ST3GAL2: variants seen among roughly 807,000 people sequenced by gnomAD.
ST3GAL2 encodes CMP-N-acetylneuraminate-beta-galactosamide-alpha-2,3-sialyltransferase 2.
ST3GAL2 carries 16 observed loss-of-function variants against 37.5 expected under a neutral mutation model. That is an observed-to-expected ratio of 0.43 (90% CI 0.29 to 0.65). The LOEUF (loss-of-function observed/expected upper bound fraction) is 0.65, where lower values mean the gene tolerates loss of function less well. Among genes scored for constraint, ST3GAL2 ranks in the 30% least tolerant of loss-of-function variants. ST3GAL2 has a pLI of 0.17. For synonymous variants in ST3GAL2, 238 were observed against 202.9 expected, an observed-to-expected ratio of 1.17 and a Z score of -1.47; for missense variants, 383 against 487.8, an observed-to-expected ratio of 0.79 and a Z score of 2.02.
Position 70,381,672 on chromosome 16 carries a change from T to A in ST3GAL2, c.*17A>T, listed in dbSNP as rs1458507671. ...GTGCCCGATAGATGGGCCGGAAGGGTCGCGGCGAGGCCCGGCTCAGTTGCC... is the reference window on the plus strand; with the variant it reads ...GTGCCCGATAGATGGGCCGGAAGGGACGCGGCGAGGCCCGGCTCAGTTGCC... On this transcript the variant is annotated 3_prime_UTR_variant, in exon 7 of 7. Transcript: ENST00000342907. 1.2e-6 allele frequency: 2 copies of A among 1,610,066 alleles called. No homozygotes were observed. The highest frequency in any genetic ancestry group is 1.7e-5 in the Admixed American group (1 of 59,900).
intron 1 of ST3GAL2, among the ~76,000 whole-genome samples, chr16:70,431,790 C>T (rs1239230140): frequency 4.0e-5 from 6 of 151,782 alleles, no homozygotes; most frequent in Non-Finnish European, 7.4e-5. Flanking sequence ...AGTGAAACCC[C>T]GTCTCTACTA....
Position 70,383,283 on chromosome 16 carries a change from GCT to G in ST3GAL2, c.714-50_714-49del, listed in dbSNP as rs756071215. The G allele has an allele frequency of 1.9e-6, 3 of 1,562,538 alleles. No individual in the cohort carries two copies. The East Asian group carries it at 6.8e-5, about 36-fold the overall frequency. On this transcript the variant is annotated intron_variant, in intron 4 of 6. Transcript: ENST00000342907. ...ATAACATTTCAGGCTGGGCACGGTG[GCT>G]CACACCTGTAATCCCAGCACTTTGG...
chr16:70,427,861 A>C (rs923106535), intron 1 of ST3GAL2, among the ~76,000 whole-genome samples: 1 of 152,212 alleles, frequency 6.6e-6, no homozygotes, highest in African/African-American at 2.4e-5. Context: ...CACCTCCAGC[A>C]GTCCTAACCA....
intron 3 of ST3GAL2, among the ~76,000 whole-genome samples, 163 bp from the exon 4 acceptor site, chr16:70,388,709 T>C (rs1207508673): frequency 1.3e-5 from 2 of 151,952 alleles, no homozygotes; most frequent in Non-Finnish European, 2.9e-5. Context: ...GTTACAAAGG[T>C]GTGCAAAGAT....
intron 1 of ST3GAL2, among the ~76,000 whole-genome samples, chr16:70,411,522 A>G (rs377121668): frequency 5.4e-4 from 82 of 152,174 alleles, no homozygotes; most frequent in African/African-American, 1.9e-3. Context: ...ACCATGAGAG[A>G]CATCTTGCAC....
At chr16:70,411,571 G>A (rs140913158) in intron 1 of ST3GAL2, among the ~76,000 whole-genome samples, 2 of 152,226 alleles carry the variant, frequency 1.3e-5, no homozygotes, top group East Asian at 3.9e-4. Flanking sequence ...GGTCCTTCAT[G>A]TTCCTATGTG....
chr16:70,377,783 A>G lies in ST3GAL2; in HGVS notation c.*3906T>C, dbSNP rs1258887829. 5 of 152,270 alleles carry G rather than the reference A, an allele frequency of 3.3e-5. No homozygotes were observed. Among genetic ancestry groups the G allele is most frequent in the African/African-American group, 7.2e-5 (3 of 41,448 alleles). The allele number at this position is 152,270 out of a possible 1,614,324, so 9.4% of individuals were successfully genotyped here. A position where few individuals can be genotyped will look rare whatever the true frequency, so the allele number is the denominator to read the frequency against. ...GGTTGCAGTGAGCCGAGATCATGCC[A>G]CTGCACTCCAGCCTGGTCAACAGAG... On this transcript the variant is annotated 3_prime_UTR_variant, in exon 7 of 7. Transcript: ENST00000342907.
chr16:70,426,304 C>G (rs1212919177), intron 1 of ST3GAL2, among the ~76,000 whole-genome samples: 1 of 150,710 alleles, frequency 6.6e-6, no homozygotes, highest in Non-Finnish European at 1.5e-5. Context: ...AGCGATTCTC[C>G]TGCCTCAGCC....
rs753476912 is a variant in ST3GAL2, at chr16:70,380,609, C to G, written c.*1080G>C. ...GCGGCTTGCGGCGCGCAAGTCTCCT[C>G]TTCCCCGGCCGGCTCCCGGCTGCGA... On this transcript the variant is annotated 3_prime_UTR_variant, in exon 7 of 7. Transcript: ENST00000342907. 6.6e-6 allele frequency: 1 copy of G among 152,378 alleles called. No individual in the cohort carries two copies. The highest frequency in any genetic ancestry group is 1.5e-5 in the Non-Finnish European group (1 of 68,146). The allele number at this position is 152,378 out of a possible 1,614,324, so 9.4% of individuals were successfully genotyped here. A position where few individuals can be genotyped will look rare whatever the true frequency, so the allele number is the denominator to read the frequency against.
At chr16:70,433,184 C>CAGCT (rs1228694544) in intron 1 of ST3GAL2, among the ~76,000 whole-genome samples, 1 of 152,238 alleles carries the variant, frequency 6.6e-6, no homozygotes, top group Non-Finnish European at 1.5e-5. Context: ...GCTCTGAAGA[C>CAGCT]AGCTACTTTT....
chr16:70,396,518 C>T (rs981020770), intron 2 of ST3GAL2, among the ~76,000 whole-genome samples: 13 of 151,986 alleles, frequency 8.6e-5, no homozygotes, highest in Non-Finnish European at 1.5e-5. Flanking sequence ...GTGGGAGGAT[C>T]GCTCGAGCCT....
intron 1 of ST3GAL2, among the ~76,000 whole-genome samples, chr16:70,432,798 G>A (rs1008469772): frequency 3.3e-5 from 5 of 152,232 alleles, no homozygotes; most frequent in Admixed American, 6.5e-5. Context: ...TAGTTGGTAA[G>A]GACTCAGGTG....
At chr16:70,386,491 G>A (rs140124874) in intron 4 of ST3GAL2, among the ~76,000 whole-genome samples, 220 of 151,376 alleles carry the variant, frequency 1.5e-3, no homozygotes, top group East Asian at 9.6e-3. Context: ...ACGCCTGGCC[G>A]GCCACACCCA....
chr16:70,388,401 T>C lies in ST3GAL2; in HGVS notation c.679A>G (p.Ile227Val), dbSNP rs368431669. 1.4e-5 allele frequency: 22 copies of C among 1,614,036 alleles called. No homozygotes were observed. The highest frequency in any genetic ancestry group is 1.9e-5 in the Non-Finnish European group (22 of 1,180,034). ...TGCCCCGTGGACAAGGCGCTGGCGA[T>C]CCACAGAAGGTCCAGGACCTTGAAG... ...VPFKVLDLLW[I>V]ASALSTGQIR... The change falls in exon 4 of 7, where the codon ATC (isoleucine) becomes GTC (valine). Residue 227 changes from isoleucine (I) to valine (V), a missense_variant. Ile to Val is a conservative substitution (Grantham distance 29). Around this residue, in one of 2 missense-constraint regions of ST3GAL2, gnomAD observed 160 missense variants for 248.6 expected, o/e 0.64. Transcript: ENST00000342907.
intron 1 of ST3GAL2, among the ~76,000 whole-genome samples, chr16:70,401,610 T>G (rs993463695): frequency 7.2e-5 from 11 of 152,170 alleles, no homozygotes; most frequent in African/African-American, 2.7e-4. Flanking sequence ...TTTCTACCTG[T>G]GCCCCTCAGC....
At chr16:70,420,194 G>C (rs527774501) in intron 1 of ST3GAL2, among the ~76,000 whole-genome samples, 1 of 152,182 alleles carries the variant, frequency 6.6e-6, no homozygotes, top group African/African-American at 2.4e-5. Context: ...GATGGAACCA[G>C]GTGGGGAGAC....
chr16:70,425,575 T>C (rs1012403010), intron 1 of ST3GAL2, among the ~76,000 whole-genome samples: 45 of 152,026 alleles, frequency 3.0e-4, no homozygotes, highest in Non-Finnish European at 4.0e-4. Context: ...TTGTTAAAAA[T>C]TGAACGTTAG....
chr16:70,403,214 G>A (rs2047567687), intron 1 of ST3GAL2, among the ~76,000 whole-genome samples: 1 of 152,130 alleles, frequency 6.6e-6, no homozygotes, highest in African/African-American at 2.4e-5. Flanking sequence ...TACAAGGAGG[G>A]GGCCCATGGG....
chr16:70,387,985 C>G (rs1193734093), intron 4 of ST3GAL2, among the ~76,000 whole-genome samples: 1 of 151,452 alleles, frequency 6.6e-6, no homozygotes, highest in Non-Finnish European at 1.5e-5. Context: ...GGTGGTGCAT[C>G]CCTATAATCC....
Sources: gnomAD v4.1 joint callset for allele counts (sites outside exome capture counted in the v4.1 genomes callset) on GRCh38, gnomAD v4.1.1 for gene constraint, gnomAD v4.1.1 regional missense constraint, MANE v1.5 for transcripts, NCBI Gene and HGNC (gene_info 2026-07-23, HGNC 2026-07-21) for gene names.